Variants in RASL12 observed in about 807,000 individuals in gnomAD.
RASL12 encodes RAS like family 12, also known as ras-like protein family member 12.
RASL12 carries 16 observed loss-of-function variants against 22.9 expected under a neutral mutation model. That is an observed-to-expected ratio of 0.70 (90% confidence interval 0.47 to 1.06). RASL12 has a LOEUF of 1.06. RASL12 is among the 50% of genes least tolerant of loss of function. The pLI, the probability that RASL12 is intolerant of heterozygous loss-of-function variation, is 0.00. For missense variants in RASL12, 306 were observed against 353.1 expected (o/e 0.87, Z 1.07); for synonymous variants, 159 against 152.2 (o/e 1.04, Z -0.33).
chr15:65,054,975 G>T lies in RASL12; in HGVS notation c.725C>A (p.Thr242Asn). ...MPTVAQAKLV[T>N]VKSSRAQSKR... ...GCTCTGGGCCCGGGATGACTTCACG[G>T]TGACCAGCTTGGCCTGGGCCACAGT... Residue 242 changes from threonine to asparagine, a missense_variant, in exon 5 of 5, where the codon ACC (threonine) becomes AAC (asparagine). Thr to Asn is a moderately conservative substitution (Grantham distance 65). Coordinates refer to ENST00000220062, the MANE Select transcript of RASL12 (RefSeq NM_016563.4). 1 of 1,614,196 alleles carries T rather than the reference G, an allele frequency of 6.2e-7. No individual in the cohort carries two copies. The highest frequency in any genetic ancestry group is 8.5e-7 in the Non-Finnish European group (1 of 1,180,032).
chr15:65,051,429 G>T, downstream of RASL12: 1 of 1,278,398 alleles, frequency 7.8e-7, no homozygotes, highest in Non-Finnish European at 1.1e-6. Flanking sequence ...GCTGTAAGCT[G>T]GGTCTGAGCC....
At chr15:65,055,785 C>T (rs2086723841) in intron 4 of RASL12, among the ~76,000 whole-genome samples, 2 of 152,338 alleles carry the variant, frequency 1.3e-5, no homozygotes, top group South Asian at 4.1e-4. Context: ...CTGTGGTTGG[C>T]AGAGTTCTCA....
chr15:65,068,041 C>G (rs759730874), upstream of RASL12: 307 of 1,113,024 alleles, frequency 2.8e-4, no homozygotes, highest in Non-Finnish European at 3.2e-4. The surrounding 1 kb of genome is among the most constrained non-coding windows in gnomAD (Gnocchi z 4.2). Flanking sequence ...GCGGGGCCAC[C>G]CCAAGCGCCA....
chr15:65,075,044 C>T (rs543183246), intron 1 of RASL12, among the ~76,000 whole-genome samples: 62 of 152,226 alleles, frequency 4.1e-4, no homozygotes, highest in Non-Finnish European at 7.5e-4. Context: ...GAGCGGGAAC[C>T]GGGGCTGCGT....
At chr15:65,052,908 C>A, downstream of RASL12, 9 of 1,558,690 alleles carry the variant, frequency 5.8e-6, no homozygotes, top group South Asian at 1.0e-4. Context: ...ATTTGGGCGA[C>A]CCAGTCCTGC....
intron 4 of RASL12, among the ~76,000 whole-genome samples, chr15:65,057,862 C>T (rs530237632): frequency 2.0e-5 from 3 of 152,114 alleles, no homozygotes; most frequent in East Asian, 1.9e-4. Flanking sequence ...GACCCAAGAG[C>T]GCGGAAGGAG....
chr15:65,065,380 C>G (rs747020025), intron 1 of RASL12, 107 bp from the exon 2 acceptor site: 5 of 996,722 alleles, frequency 5.0e-6, no homozygotes, highest in Non-Finnish European at 7.6e-6. Context: ...CGGCTGACAC[C>G]AAGCTCAGCT....
intron 1 of RASL12, among the ~76,000 whole-genome samples, chr15:65,076,306 T>C (rs1882788010): frequency 6.6e-6 from 1 of 152,186 alleles, no homozygotes; most frequent in African/African-American, 2.4e-5. Context: ...CGTGAAAGTC[T>C]GCAGCTTCAC....
upstream of RASL12, among the ~76,000 whole-genome samples, chr15:65,069,145 G>A (rs183949491): frequency 6.6e-6 from 1 of 152,310 alleles, no homozygotes. Context: ...CAGGGCCCAG[G>A]GTCAGAGCTG....
chr15:65,048,008 A>C, the RASL12 span, among the ~76,000 whole-genome samples: 1 of 152,048 alleles, frequency 6.6e-6, no homozygotes, highest in Non-Finnish European at 1.5e-5. Flanking sequence ...AGGAAACCCC[A>C]TCATTACTAA....
chr15:65,053,131 T>G, downstream of RASL12: 2 of 1,614,126 alleles, frequency 1.2e-6, no homozygotes, highest in Non-Finnish European at 1.7e-6. Flanking sequence ...TGCTGTCAGT[T>G]TTCCTTCCGG....
At chr15:65,046,426 T>C in the RASL12 span, among the ~76,000 whole-genome samples, 106 of 152,198 alleles carry the variant, frequency 7.0e-4, 2 homozygotes, top group South Asian at 0.02. Context: ...GCTGAGATCA[T>C]GCCATTGCAC....
At chr15:65,072,865 T>A (rs1201539129), upstream of RASL12, among the ~76,000 whole-genome samples, 1 of 152,040 alleles carries the variant, frequency 6.6e-6, no homozygotes, top group Non-Finnish European at 1.5e-5. Flanking sequence ...CAGAGAGGCA[T>A]CGGAGCACAG....
chr15:65,062,951 G>A (rs1024152496), intron 2 of RASL12, among the ~76,000 whole-genome samples: 2 of 152,200 alleles, frequency 1.3e-5, no homozygotes, highest in African/African-American at 2.4e-5. Flanking sequence ...CTGACTCGTG[G>A]GCTGTCAGTG....
chr15:65,075,984 T>C (rs973163856), intron 1 of RASL12, among the ~76,000 whole-genome samples: 3 of 152,176 alleles, frequency 2.0e-5, no homozygotes, highest in Non-Finnish European at 4.4e-5. Context: ...TGGTGGGGCC[T>C]TGGAGAACCT....
At chr15:65,065,876 G>A (rs1010657243) in intron 1 of RASL12, among the ~76,000 whole-genome samples, 1 of 152,070 alleles carries the variant, frequency 6.6e-6, no homozygotes, top group African/African-American at 2.4e-5. Context: ...CACTCATCAT[G>A]GATATCTCAG....
downstream of RASL12, among the ~76,000 whole-genome samples, chr15:65,050,832 TC>T (rs559777639): frequency 1.2e-3 from 73 of 61,884 alleles, no homozygotes; most frequent in South Asian, 1.8e-3. Flanking sequence ...TTCTTCTTCT[TC>T]TTCTTTTTTT....
chr15:65,055,359 G>A, intron 4 of RASL12, 85 bp from the exon 5 acceptor site: 2 of 1,255,904 alleles, frequency 1.6e-6, no homozygotes, highest in Non-Finnish European at 2.1e-6. Flanking sequence ...AGCGCCCCAT[G>A]GACTAGCTGG....
chr15:65,074,086 A>T (rs1015621400), intron 1 of RASL12, among the ~76,000 whole-genome samples: 2 of 152,200 alleles, frequency 1.3e-5, no homozygotes, highest in Admixed American at 6.5e-5. Context: ...TTCAGGAAGA[A>T]AATTGAGACT....
Sources: allele counts gnomAD v4.1 joint callset (sites outside exome capture counted in the v4.1 genomes callset), GRCh38; gene constraint gnomAD v4.1.1; non-coding constraint Gnocchi (gnomAD v3.1); transcripts MANE v1.5; gene names NCBI Gene and HGNC (gene_info 2026-07-23, HGNC 2026-07-21).